The following SCAF4 variants were observed in gnomAD, a reference collection of about 807,000 sequenced individuals.
SCAF4 encodes the protein SR-related and CTD-associated factor 4.
SCAF4 carries 25 observed loss-of-function variants against 129.8 expected under a neutral mutation model. The ratio of observed to expected loss-of-function variants is 0.19; its 90% confidence interval spans 0.14 to 0.27. The LOEUF is 0.27. Ranked by LOEUF, SCAF4 falls within the 10% of genes least tolerant of loss-of-function variation. The pLI, the probability that SCAF4 is intolerant of heterozygous loss-of-function variation, is 1.00. For missense variants in SCAF4, 1,246 were observed against 1,457.1 expected, an observed-to-expected ratio of 0.86 and a Z score of 2.36; for synonymous variants, 551 against 497.7, an observed-to-expected ratio of 1.11 and a Z score of -1.43.
intron 9 of SCAF4, among the ~76,000 whole-genome samples, chr21:31,695,667 T>C (rs952375152): frequency 6.6e-6 from 1 of 152,232 alleles, no homozygotes; most frequent in African/African-American, 2.4e-5. Context: ...TGAGAGAATT[T>C]ACTGGAACAA....
rs574039089 is a variant in SCAF4 at position 31,691,096 on chromosome 21, G to C, written c.1729-143C>G. 3.1e-5 allele frequency: 18 copies of C among 587,292 alleles called. No homozygotes were observed. In the South Asian group the frequency reaches 5.3e-4, roughly 17 times the overall value. 36.4% of individuals were successfully genotyped at this position (587,292 alleles called of 1,614,324 possible). On this transcript the variant is annotated intron_variant, in intron 14 of 19. Coordinates refer to ENST00000286835, the MANE Select transcript of SCAF4 (RefSeq NM_020706.2). Reference sequence around the variant, plus strand: ...CAGCTAGGCTTGGATCTCATTCAAAGCCTTATTCTCACTACAGAACTGGTT... The same window carrying C: ...CAGCTAGGCTTGGATCTCATTCAAACCCTTATTCTCACTACAGAACTGGTT...
At chr21:31,708,759 C>T (rs1204906844) in intron 1 of SCAF4, among the ~76,000 whole-genome samples, 2 of 152,138 alleles carry the variant, frequency 1.3e-5, no homozygotes, top group African/African-American at 4.8e-5. Context: ...TGTTCTCAAC[C>T]TCCTGAGTCA....
intron 19 of SCAF4, among the ~76,000 whole-genome samples, chr21:31,676,471 TGG>T (rs927572362): frequency 1.3e-5 from 2 of 152,224 alleles, no homozygotes; most frequent in African/African-American, 4.8e-5. Flanking sequence ...TCCCCAACAT[TGG>T]TTTTAAATGC....
At chr21:31,701,961 C>T (rs2050544067) in intron 5 of SCAF4, 43 bp from the exon 6 acceptor site, 1 of 1,597,282 alleles carries the variant, frequency 6.3e-7, no homozygotes, top group African/African-American at 1.4e-5. Context: ...AAAAGTTAAC[C>T]TACAAGTTTT....
chr21:31,721,999 C>T (rs896896488), intron 1 of SCAF4, among the ~76,000 whole-genome samples: 13 of 152,166 alleles, frequency 8.5e-5, no homozygotes, highest in Admixed American at 1.3e-4. Flanking sequence ...GGATTACAGG[C>T]GTGAGCCACC....
At position 31,723,646 on chromosome 21, in the gene SCAF4, G is replaced by GCA. The variant is rs555646639; in HGVS notation, c.30+8015_30+8016dup. Among the ~76,000 whole-genome samples the GCA allele has an allele frequency of 1.7e-3, 262 of 150,034 alleles. 3 individuals are homozygous for GCA. The highest frequency in any genetic ancestry group is 0.014 in the South Asian group (66 of 4,744). On this transcript the variant is annotated intron_variant, in intron 1 of 19. Transcript: ENST00000286835. The stretch of plus-strand genomic sequence containing the variant: ...TGTGTGTGTGCGCGCGCGCGCGCGC[G>GCA]CACATACAGTTCAAGTTTTCTTTCT...
chr21:31,705,384 T>G (rs775042182), intron 3 of SCAF4, 39 bp downstream of exon 3: 1 of 914,616 alleles, frequency 1.1e-6, no homozygotes, highest in Non-Finnish European at 1.7e-6. Context: ...TTACAAATCA[T>G]ATTGTAACTA....
intron 19 of SCAF4, among the ~76,000 whole-genome samples, chr21:31,673,878 G>A (rs1166538142): frequency 6.6e-6 from 1 of 151,992 alleles, no homozygotes; most frequent in Non-Finnish European, 1.5e-5. Context: ...TGTTTTCCAG[G>A]ACTAAAATGA....
At chr21:31,699,060 A>G (rs945181588) in intron 7 of SCAF4, among the ~76,000 whole-genome samples, 1 of 152,144 alleles carries the variant, frequency 6.6e-6, no homozygotes, top group African/African-American at 2.4e-5. Context: ...AGGGGGAGAG[A>G]CGGGATACCA....
In SCAF4 at chr21:31,709,852, C is replaced by T. The variant is rs1312304754; in HGVS notation, c.31-3495G>A. Reference sequence around the variant, plus strand: ...CTGTTACACCTGTTTTGAGATGATACTTAAAAAAAAAAAAAAAGGGTCATA... The same window carrying T: ...CTGTTACACCTGTTTTGAGATGATATTTAAAAAAAAAAAAAAAGGGTCATA... On this transcript the variant is annotated intron_variant, in intron 1 of 19. Transcript: ENST00000286835. 3.7e-5 allele frequency among the ~76,000 whole-genome samples: 5 copies of T among 135,008 alleles called. No homozygotes were observed. The Admixed American group carries it at 3.7e-4, about 10-fold the overall frequency. The allele number at this position is 135,008 out of a possible 152,430, so 88.6% of individuals were successfully genotyped here. A position where few individuals can be genotyped will look rare whatever the true frequency, so the allele number is the denominator to read the frequency against.
chr21:31,700,743 T>C (rs2050506695), intron 7 of SCAF4: 4 of 271,350 alleles, frequency 1.5e-5, no homozygotes, highest in Admixed American at 5.4e-5. Flanking sequence ...AACTTTTTCT[T>C]TTTTTTTTTT....
chr21:31,692,515 T>A, intron 12 of SCAF4, 66 bp from the exon 13 acceptor site: 1 of 1,013,378 alleles, frequency 9.9e-7, no homozygotes, highest in Non-Finnish European at 1.5e-6. Flanking sequence ...TAGCTTACAT[T>A]AAAAAATCAT....
chr21:31,697,696 G>T (rs1423686053), intron 7 of SCAF4, among the ~76,000 whole-genome samples: 2 of 152,144 alleles, frequency 1.3e-5, no homozygotes, highest in Admixed American at 1.3e-4. Context: ...TAATAGTTCT[G>T]CCTAGAGATT....
intron 19 of SCAF4, among the ~76,000 whole-genome samples, chr21:31,677,595 C>T (rs1198890398): frequency 6.6e-6 from 1 of 152,174 alleles, no homozygotes; most frequent in Non-Finnish European, 1.5e-5. Context: ...GCTGCCAAGT[C>T]GCAGCGCTCT....
intron 14 of SCAF4, among the ~76,000 whole-genome samples, chr21:31,691,383 A>G (rs17660834): frequency 0.034 from 5,103 of 152,272 alleles, 130 homozygotes; most frequent in Non-Finnish European, 0.047. Flanking sequence ...CACTGAAGAA[A>G]CACTGACTTT....
intron 1 of SCAF4, chr21:31,706,606 A>G: frequency 4.2e-6 from 2 of 474,880 alleles, no homozygotes; most frequent in Admixed American, 7.8e-5. Flanking sequence ...TAGTGAAATG[A>G]AGGAAGAGCC....
In SCAF4 at chr21:31,731,999, C is replaced by A. The variant is rs1009395560; in HGVS notation, c.-307G>T. ...TGCGCTCTGCGTCTCGCTGACACGG[C>A]CCCCCGCGCCCTCACGCACTGGCTC... On this transcript the variant is annotated 5_prime_UTR_variant, in exon 1 of 20. Coordinates refer to ENST00000286835, the MANE Select transcript of SCAF4 (RefSeq NM_020706.2). The A allele has an allele frequency of 1.5e-5, 7 of 471,072 alleles. No homozygotes were observed. Among genetic ancestry groups the A allele is most frequent in the African/African-American group, 1.0e-4 (5 of 48,638 alleles). The allele number at this position is 471,072 out of a possible 1,614,324, so 29.2% of individuals were successfully genotyped here.
rs376071127 is a variant in SCAF4, at chr21:31,718,674, T to C, written c.31-12317A>G. ...CCGACTGAGCAGAGTCTTGTTTGAATGTAAACATTACAAAACAGTTCCATC... is the reference window on the plus strand; with the variant it reads ...CCGACTGAGCAGAGTCTTGTTTGAACGTAAACATTACAAAACAGTTCCATC... On this transcript the variant is annotated intron_variant, in intron 1 of 19. Transcript: ENST00000286835. Among the ~76,000 whole-genome samples, 26 of 152,354 alleles carry C rather than the reference T, an allele frequency of 1.7e-4. No homozygotes were observed. The East Asian group carries it at 4.2e-3, about 25-fold the overall frequency.
intron 1 of SCAF4, among the ~76,000 whole-genome samples, chr21:31,720,102 T>TGC (rs1337290641): frequency 6.6e-6 from 1 of 152,206 alleles, no homozygotes; most frequent in Non-Finnish European, 1.5e-5. Flanking sequence ...ACATTTACTG[T>TGC]GCCTCACTAA....
Sources: gnomAD v4.1 joint callset for allele counts (sites outside exome capture counted in the v4.1 genomes callset) on GRCh38, gnomAD v4.1.1 for gene constraint, MANE v1.5 for transcripts, NCBI Gene and HGNC (gene_info 2026-07-23, HGNC 2026-07-21) for gene names.